The following MGAT4C variants were observed in gnomAD, a reference collection of about 807,000 sequenced individuals.
The protein encoded by MGAT4C is MGAT4 family member C.
In MGAT4C, 19 loss-of-function variants were observed where a neutral mutation model predicts 40.1. The ratio of observed to expected loss-of-function variants is 0.47; its 90% CI spans 0.33 to 0.70. MGAT4C has a LOEUF of 0.70. Ranked by LOEUF, MGAT4C falls within the 30% of genes least tolerant of loss-of-function variation. The pLI, the probability that MGAT4C is intolerant of heterozygous loss-of-function variation, is 0.02. For missense variants in MGAT4C, 491 were observed against 563.2 expected (o/e 0.87, Z 1.30); for synonymous variants, 181 against 187.1 (o/e 0.97, Z 0.27).
intron 1 of MGAT4C, among the ~76,000 whole-genome samples, chr12:86,111,100 T>C (rs886740160): frequency 2.6e-5 from 4 of 151,880 alleles, no homozygotes; most frequent in Non-Finnish European, 4.4e-5. Context: ...TTATAGTTTT[T>C]AAACCATAGA....
chr12:86,072,024 T>TGTGTG (rs1868594457), intron 1 of MGAT4C, among the ~76,000 whole-genome samples: 1 of 68,214 alleles, frequency 1.5e-5, no homozygotes, highest in African/African-American at 7.2e-5. Flanking sequence ...ATGCATAGGG[T>TGTGTG]TTTGTGTGTG....
intron 1 of MGAT4C, among the ~76,000 whole-genome samples, chr12:86,132,558 C>T (rs1323773392): frequency 6.6e-6 from 1 of 152,042 alleles, no homozygotes; most frequent in Non-Finnish European, 1.5e-5. Context: ...CTTTGGGATG[C>T]CAAGGAGGGC....
chr12:86,034,862 G>T (rs1891083567), intron 2 of MGAT4C, among the ~76,000 whole-genome samples: 1 of 149,848 alleles, frequency 6.7e-6, no homozygotes, highest in Admixed American at 6.7e-5. Flanking sequence ...AGTTTGCTGA[G>T]AATGATGGTT....
intron 1 of MGAT4C, among the ~76,000 whole-genome samples, chr12:86,828,752 A>G (rs1952858316): frequency 6.6e-6 from 1 of 151,642 alleles, no homozygotes; most frequent in Admixed American, 6.6e-5. Context: ...AAAAGAAGCA[A>G]GACACAGAAG....
chr12:86,108,235 C>T (rs913794158), intron 1 of MGAT4C, among the ~76,000 whole-genome samples: 1 of 152,012 alleles, frequency 6.6e-6, no homozygotes, highest in African/African-American at 2.4e-5. Context: ...GGCATTTAGA[C>T]ACAATGACTG....
At chr12:86,735,668 T>C (rs1950974417) in intron 1 of MGAT4C, among the ~76,000 whole-genome samples, 1 of 151,864 alleles carries the variant, frequency 6.6e-6, no homozygotes, top group African/African-American at 2.4e-5. Context: ...AAATATTAGT[T>C]ATACTGTGAA....
intron 2 of MGAT4C, among the ~76,000 whole-genome samples, chr12:86,572,367 T>C (rs1363370529): frequency 6.6e-6 from 1 of 152,120 alleles, no homozygotes; most frequent in Non-Finnish European, 1.5e-5. Flanking sequence ...CAATCAGTCA[T>C]ACAATCCTGT....
At chr12:86,494,488 A>T (rs990493980) in intron 2 of MGAT4C, among the ~76,000 whole-genome samples, 2 of 151,898 alleles carry the variant, frequency 1.3e-5, no homozygotes, top group African/African-American at 4.8e-5. Flanking sequence ...ACAAACAATA[A>T]ATCAAAATAA....
intron 3 of MGAT4C, among the ~76,000 whole-genome samples, chr12:86,391,034 C>G (rs1956152219): frequency 6.6e-6 from 1 of 152,138 alleles, no homozygotes; most frequent in Admixed American, 6.5e-5. Flanking sequence ...TACTGAGTCA[C>G]TTAATTTTTT....
At chr12:86,788,820 T>C (rs1240175477) in intron 1 of MGAT4C, among the ~76,000 whole-genome samples, 1 of 152,166 alleles carries the variant, frequency 6.6e-6, no homozygotes, top group African/African-American at 2.4e-5. Flanking sequence ...TGCTATCTTT[T>C]GAAGGAAATC....
chr12:86,485,515 T>G (rs1288425293), intron 2 of MGAT4C, among the ~76,000 whole-genome samples: 3 of 151,972 alleles, frequency 2.0e-5, no homozygotes, highest in Non-Finnish European at 4.4e-5. Flanking sequence ...TCAAGTCAAC[T>G]CACTCAGAAA....
chr12:86,108,086 C>A (rs985490431), intron 1 of MGAT4C, among the ~76,000 whole-genome samples: 3 of 151,972 alleles, frequency 2.0e-5, no homozygotes, highest in African/African-American at 4.8e-5. Context: ...GAAAAATAAA[C>A]TAAAAATAAA....
At chr12:86,408,632 A>G (rs1432236402) in intron 3 of MGAT4C, among the ~76,000 whole-genome samples, 2 of 150,906 alleles carry the variant, frequency 1.3e-5, no homozygotes, top group African/African-American at 4.9e-5. Flanking sequence ...AAATTCACAT[A>G]CACAAATACT....
At chr12:86,120,426 C>T (rs1050160384) in intron 1 of MGAT4C, among the ~76,000 whole-genome samples, 19 of 152,072 alleles carry the variant, frequency 1.2e-4, no homozygotes, top group African/African-American at 3.6e-4. Context: ...GATCTGAGAA[C>T]GGACAGACTG....
rs748584520 is a variant in MGAT4C, at chr12:86,184,374, T to TA, written c.-57+71864dup. The stretch of plus-strand genomic sequence containing the variant: ...CTGGGTGACTAAGTGAGACTCCGTT[T>TA]AAAAAAAAAAAAAAGCTTTTACTTT... On this transcript the variant is annotated intron_variant, in intron 1 of 4. Coordinates refer to ENST00000611864, the MANE Select transcript of MGAT4C (RefSeq NM_001351288.2). Among the ~76,000 whole-genome samples the TA allele has an allele frequency of 6.1e-4, 85 of 138,294 alleles. 1 individual carries two copies. Among genetic ancestry groups the TA allele is most frequent in the Middle Eastern group, 7.6e-3 (2 of 264 alleles). 90.7% of individuals were successfully genotyped at this position (138,294 alleles called of 152,430 possible). A position where few individuals can be genotyped will look rare whatever the true frequency, so the allele number is the denominator to read the frequency against.
intron 2 of MGAT4C, among the ~76,000 whole-genome samples, chr12:86,651,658 A>C (rs1963701888): frequency 6.6e-6 from 1 of 151,886 alleles, no homozygotes; most frequent in African/African-American, 2.4e-5. Context: ...TAGCCCATAA[A>C]TGAATCTTTC....
At chr12:86,174,438 G>T (rs1475779961) in intron 1 of MGAT4C, among the ~76,000 whole-genome samples, 1 of 151,970 alleles carries the variant, frequency 6.6e-6, no homozygotes, top group Admixed American at 6.6e-5. Flanking sequence ...AATAAATATT[G>T]CCCCCTAATT....
chr12:86,607,417 A>G (rs1238027527), intron 2 of MGAT4C, among the ~76,000 whole-genome samples: 4 of 152,176 alleles, frequency 2.6e-5, no homozygotes, highest in African/African-American at 7.2e-5. Flanking sequence ...TAACAGAATT[A>G]AAGTTACTCC....
intron 2 of MGAT4C, among the ~76,000 whole-genome samples, chr12:86,047,864 T>G (rs1487001614): frequency 6.6e-6 from 1 of 152,096 alleles, no homozygotes; most frequent in Non-Finnish European, 1.5e-5. Context: ...GCAAAAAATT[T>G]AAGAGTAGAA....
Sources: allele counts gnomAD v4.1 joint callset (sites outside exome capture counted in the v4.1 genomes callset), GRCh38; gene constraint gnomAD v4.1.1; transcripts MANE v1.5; gene names NCBI Gene and HGNC (gene_info 2026-07-23, HGNC 2026-07-21).